Variants in SRGAP2C observed in about 807,000 individuals in gnomAD.
SRGAP2C encodes SLIT-ROBO Rho GTPase-activating protein 2C.
In SRGAP2C, 15 loss-of-function variants were observed where a neutral mutation model predicts 25.1. The observed-to-expected ratio is 0.60, with a 90% CI of 0.40 to 0.92. SRGAP2C has a LOEUF of 0.92. Ranked by LOEUF, SRGAP2C falls within the 40% of genes least tolerant of loss-of-function variation. The probability of loss-of-function intolerance (pLI) is 0.00; values close to 1 mark genes in which losing one functional copy is unlikely to be tolerated. For missense variants in SRGAP2C, 144 were observed against 264.4 expected (o/e 0.54, Z 3.16); for synonymous variants, 44 against 96.6 (o/e 0.46, Z 3.19).
intron 3 of SRGAP2C, among the ~76,000 whole-genome samples, chr1:121,304,190 G>A (rs1657768595): frequency 8.0e-6 from 1 of 124,604 alleles, no homozygotes; most frequent in African/African-American, 3.1e-5. Flanking sequence ...CAGCCTGGGT[G>A]ACAGACCGAG....
At chr1:121,212,123 ATTTTTT>A (rs60785126) in intron 2 of SRGAP2C, among the ~76,000 whole-genome samples, 87 of 61,946 alleles carry the variant, frequency 1.4e-3, no homozygotes, top group African/African-American at 4.6e-3. Flanking sequence ...ATGGAGCTGT[ATTTTTT>A]TTTTTTTTTT....
intron 3 of SRGAP2C, among the ~76,000 whole-genome samples, chr1:121,303,485 A>G (rs1358272643): frequency 1.6e-4 from 24 of 152,092 alleles, no homozygotes; most frequent in African/African-American, 5.6e-4. Context: ...TCCAGGCTTA[A>G]CTTGTACTTT....
intron 4 of SRGAP2C, among the ~76,000 whole-genome samples, chr1:121,350,402 T>C (rs1359079356): frequency 1.4e-5 from 2 of 142,716 alleles, no homozygotes; most frequent in African/African-American, 5.2e-5. Flanking sequence ...TTCATTATTA[T>C]GTTTGGCACT....
At chr1:121,222,580 T>G (rs1203997224) in intron 2 of SRGAP2C, among the ~76,000 whole-genome samples, 2 of 152,090 alleles carry the variant, frequency 1.3e-5, no homozygotes, top group Non-Finnish European at 2.9e-5. Context: ...GGTGCTGTAA[T>G]CATGCCTCTA....
chr1:121,379,260 T>C (rs1659750019), intron 7 of SRGAP2C, among the ~76,000 whole-genome samples: 1 of 152,046 alleles, frequency 6.6e-6, no homozygotes. Context: ...GTGGAGTCTC[T>C]GGGTGAAGAT....
intron 2 of SRGAP2C, among the ~76,000 whole-genome samples, chr1:121,267,953 T>C (rs1293494026): frequency 6.6e-5 from 10 of 151,596 alleles, no homozygotes; most frequent in Admixed American, 2.6e-4. Flanking sequence ...AAGCCAGCAA[T>C]AAATTGTTCC....
At chr1:121,271,065 G>A (rs1402992914) in intron 2 of SRGAP2C, among the ~76,000 whole-genome samples, 5 of 151,486 alleles carry the variant, frequency 3.3e-5, no homozygotes, top group South Asian at 4.2e-4. Context: ...CCAAAGTGCT[G>A]GGATTATAGG....
At chr1:121,230,806 C>T (rs587629909) in intron 2 of SRGAP2C, among the ~76,000 whole-genome samples, 27 of 152,132 alleles carry the variant, frequency 1.8e-4, no homozygotes, top group Admixed American at 3.9e-4. Context: ...CAATGATAGA[C>T]GGGATAAAGA....
chr1:121,211,492 AATTTT>A (rs1553323718), intron 2 of SRGAP2C, among the ~76,000 whole-genome samples: 1 of 151,516 alleles, frequency 6.6e-6, no homozygotes, highest in East Asian at 1.9e-4. Flanking sequence ...CCCAGAAGAT[AATTTT>A]AAGTATTTGT....
At chr1:121,328,809 C>A (rs1338069197) in intron 4 of SRGAP2C, among the ~76,000 whole-genome samples, 5 of 147,354 alleles carry the variant, frequency 3.4e-5, no homozygotes, top group African/African-American at 1.0e-4. Context: ...ATCACTTGAG[C>A]CCAGAAATTT....
chr1:121,193,058 G>A, intron 2 of SRGAP2C, among the ~76,000 whole-genome samples: 1 of 132,300 alleles, frequency 7.6e-6, no homozygotes, highest in African/African-American at 3.2e-5. Context: ...AAGTTGTTAG[G>A]TTTAAACATA....
chr1:121,337,397 G>A (rs1658542240), intron 4 of SRGAP2C, among the ~76,000 whole-genome samples: 1 of 131,266 alleles, frequency 7.6e-6, no homozygotes, highest in African/African-American at 3.0e-5. Context: ...TTTGGGAGGT[G>A]GAGGCAGGTG....
At chr1:121,314,505 C>T (rs1335336046) in intron 3 of SRGAP2C, among the ~76,000 whole-genome samples, 131 of 152,214 alleles carry the variant, frequency 8.6e-4, no homozygotes, top group African/African-American at 3.1e-3. Flanking sequence ...AGGCGCTCTG[C>T]GTTTTAGAGT....
intron 3 of SRGAP2C, among the ~76,000 whole-genome samples, chr1:121,323,637 AAAG>A (rs1368056902): frequency 2.2e-5 from 3 of 138,344 alleles, no homozygotes; most frequent in Admixed American, 7.3e-5. Flanking sequence ...AAAAAAAAAA[AAAG>A]GGAATGAGCA....
At chr1:121,328,516 C>T (rs1553341855) in intron 4 of SRGAP2C, among the ~76,000 whole-genome samples, 10 of 151,632 alleles carry the variant, frequency 6.6e-5, no homozygotes, top group East Asian at 1.9e-4. Flanking sequence ...TAATCCTTAC[C>T]GTAATTTTAT....
At chr1:121,298,323 C>A (rs1657639562) in intron 3 of SRGAP2C, among the ~76,000 whole-genome samples, 2 of 151,970 alleles carry the variant, frequency 1.3e-5, no homozygotes, top group South Asian at 4.2e-4. Context: ...ATAGTTAGCC[C>A]TATTGCCAAA....
chr1:121,222,126 G>A (rs1240926969), intron 2 of SRGAP2C, among the ~76,000 whole-genome samples: 2 of 151,942 alleles, frequency 1.3e-5, no homozygotes, highest in Non-Finnish European at 2.9e-5. Context: ...TACCACCTTA[G>A]TGAGGTGGAT....
chr1:121,244,358 GTT>G (rs781801776), intron 2 of SRGAP2C, among the ~76,000 whole-genome samples: 1 of 103,382 alleles, frequency 9.7e-6, no homozygotes, highest in African/African-American at 4.2e-5. Context: ...TTTATCGTGG[GTT>G]TTTTTTTTTT....
Position 121,299,589 on chromosome 1 carries a change from A to G in SRGAP2C, c.260+14594A>G, listed in dbSNP as rs1220667941. ...ACAAACTAGGATTATCTTCAACAGT[A>G]GGATGCTGAGCTGTGTTTGCTGATT... On this transcript the variant is annotated intron_variant, in intron 3 of 9. Transcript: ENST00000367123. 3.8e-5 allele frequency among the ~76,000 whole-genome samples: 3 copies of G among 78,844 alleles called. 1 individual carries two copies. The highest frequency in any genetic ancestry group is 7.5e-5 in the Non-Finnish European group (3 of 40,068). 51.7% of individuals were successfully genotyped at this position (78,844 alleles called of 152,430 possible).
Sources: allele counts gnomAD v4.1 joint callset (sites outside exome capture counted in the v4.1 genomes callset), GRCh38; gene constraint gnomAD v4.1.1; transcripts MANE v1.5; gene names NCBI Gene and HGNC (gene_info 2026-07-23, HGNC 2026-07-21).